HPSE2: variants seen among roughly 807,000 people sequenced by gnomAD.
The protein encoded by HPSE2 is inactive heparanase-2.
HPSE2 carries 38 observed loss-of-function variants against 60.5 expected under a neutral mutation model. The ratio of observed to expected loss-of-function variants is 0.63; its 90% confidence interval spans 0.48 to 0.82. The LOEUF is 0.82. HPSE2 is among the 40% of genes least tolerant of loss of function. The pLI, the probability that HPSE2 is intolerant of heterozygous loss-of-function variation, is 0.00. For missense variants in HPSE2, 713 were observed against 740.4 expected (o/e 0.96, Z 0.43); for synonymous variants, 295 against 293.2 (o/e 1.01, Z -0.06).
intron 9 of HPSE2, among the ~76,000 whole-genome samples, chr10:98,547,725 C>T (rs950560136): frequency 2.9e-4 from 44 of 151,064 alleles, no homozygotes; most frequent in African/African-American, 1.0e-3. Flanking sequence ...TTAATGGGTG[C>T]AGCACACCAG....
At chr10:99,137,536 C>T (rs1392316713) in intron 3 of HPSE2, among the ~76,000 whole-genome samples, 1 of 152,098 alleles carries the variant, frequency 6.6e-6, no homozygotes, top group African/African-American at 2.4e-5. Flanking sequence ...GTACTGGTAC[C>T]AAAACAGATA....
At chr10:99,225,960 C>T (rs913928128) in intron 2 of HPSE2, among the ~76,000 whole-genome samples, 12 of 151,862 alleles carry the variant, frequency 7.9e-5, no homozygotes, top group Admixed American at 7.2e-4. Flanking sequence ...GCAATATGAA[C>T]TTTGCTTGGG....
intron 3 of HPSE2, among the ~76,000 whole-genome samples, chr10:99,080,038 GT>G (rs1298901811): frequency 6.6e-6 from 1 of 152,146 alleles, no homozygotes; most frequent in Non-Finnish European, 1.5e-5. Context: ...TTCAATACCA[GT>G]TTTAATGTGG....
intron 3 of HPSE2, among the ~76,000 whole-genome samples, chr10:99,029,597 C>T (rs1319043407): frequency 6.6e-6 from 1 of 151,814 alleles, no homozygotes; most frequent in African/African-American, 2.4e-5. Context: ...GCAGCCAAGG[C>T]AGAGAGAGAG....
At chr10:99,132,173 GAA>G (rs1411271825) in intron 3 of HPSE2, among the ~76,000 whole-genome samples, 2 of 6,552 alleles carry the variant, frequency 3.1e-4, no homozygotes, top group Non-Finnish European at 1.5e-3. Flanking sequence ...AAGAAAGAAA[GAA>G]AGAAAGAAAG....
chr10:99,278,669 G>A, the HPSE2 span, among the ~76,000 whole-genome samples: 1 of 152,172 alleles, frequency 6.6e-6, no homozygotes, highest in South Asian at 2.1e-4. Context: ...AGCATTCATG[G>A]CCACAGAAAT....
intron 3 of HPSE2, among the ~76,000 whole-genome samples, chr10:98,918,771 T>A (rs954261223): frequency 2.0e-5 from 3 of 150,226 alleles, no homozygotes; most frequent in Non-Finnish European, 3.0e-5. Flanking sequence ...ATGGCACATG[T>A]ATACATATGT....
At chr10:98,901,845 G>A (rs1953675519) in intron 3 of HPSE2, among the ~76,000 whole-genome samples, 1 of 152,056 alleles carries the variant, frequency 6.6e-6, no homozygotes, top group Non-Finnish European at 1.5e-5. Flanking sequence ...AGCACTATGA[G>A]GATTATAAGG....
intron 2 of HPSE2, among the ~76,000 whole-genome samples, chr10:99,207,079 T>C (rs1007622979): frequency 7.9e-5 from 12 of 152,092 alleles, no homozygotes; most frequent in African/African-American, 2.9e-4. Flanking sequence ...TCAATTGCAA[T>C]CCAAATAAGA....
chr10:99,210,189 C>T (rs1034738424), intron 2 of HPSE2, among the ~76,000 whole-genome samples: 13 of 152,074 alleles, frequency 8.5e-5, no homozygotes, highest in Non-Finnish European at 5.9e-5. Flanking sequence ...TGGATAAATT[C>T]CTAGACACAC....
At chr10:98,535,029 T>C (rs1038525098) in intron 9 of HPSE2, among the ~76,000 whole-genome samples, 1 of 152,212 alleles carries the variant, frequency 6.6e-6, no homozygotes, top group African/African-American at 2.4e-5. Context: ...TCTCAGATTT[T>C]AGGAGAGCAA....
chr10:98,708,195 G>A (rs572400913), intron 5 of HPSE2, among the ~76,000 whole-genome samples: 5 of 152,130 alleles, frequency 3.3e-5, no homozygotes, highest in East Asian at 1.9e-4. Flanking sequence ...GGTGGCTCAC[G>A]CCTGTAATCC....
chr10:99,276,571 G>C, the HPSE2 span, among the ~76,000 whole-genome samples: 1 of 151,902 alleles, frequency 6.6e-6, no homozygotes, highest in Admixed American at 6.6e-5. Flanking sequence ...GTTCTTTTAT[G>C]CATTCCAGAA....
chr10:98,509,071 A>G (rs1362418075), intron 9 of HPSE2, among the ~76,000 whole-genome samples: 3 of 152,074 alleles, frequency 2.0e-5, no homozygotes, highest in African/African-American at 7.2e-5. Context: ...ATCCCAGCAC[A>G]TTGGGAGGCC....
chr10:99,206,550 G>A (rs1848754094), intron 2 of HPSE2, among the ~76,000 whole-genome samples: 1 of 146,076 alleles, frequency 6.8e-6, no homozygotes. Context: ...GACAGAGCAA[G>A]ACCCTGTCTC....
intron 6 of HPSE2, among the ~76,000 whole-genome samples, chr10:98,677,399 G>A (rs2134127535): frequency 6.6e-6 from 1 of 152,220 alleles, no homozygotes; most frequent in East Asian, 1.9e-4. Flanking sequence ...AGAAATATGG[G>A]CTAAACATCT....
At chr10:98,565,437 T>A (rs1182385059) in intron 9 of HPSE2, among the ~76,000 whole-genome samples, 1 of 152,226 alleles carries the variant, frequency 6.6e-6, no homozygotes, top group East Asian at 1.9e-4. Flanking sequence ...TTTGGTTTTC[T>A]GCTCCTGGGT....
At chr10:98,734,552 AG>A (rs11334430) in intron 4 of HPSE2, among the ~76,000 whole-genome samples, 73,916 of 151,954 alleles carry the variant, frequency 0.49, 20,620 homozygotes, top group South Asian at 0.75. Flanking sequence ...TGGCCATCCT[AG>A]TAAGTGTGAA....
At chr10:99,184,815 T>TAGAG (rs1847928842) in intron 2 of HPSE2, among the ~76,000 whole-genome samples, 9 of 28,646 alleles carry the variant, frequency 3.1e-4, no homozygotes, top group East Asian at 9.4e-4. Flanking sequence ...TATATATATA[T>TAGAG]ATATAGAGAG....
Sources: allele counts gnomAD v4.1 joint callset (sites outside exome capture counted in the v4.1 genomes callset), GRCh38; gene constraint gnomAD v4.1.1; transcripts MANE v1.5; gene names NCBI Gene and HGNC (gene_info 2026-07-23, HGNC 2026-07-21).